Variants in PIK3R3 observed in about 807,000 individuals in gnomAD.
PIK3R3 encodes the protein phosphoinositide-3-kinase regulatory subunit 3, also known as phosphatidylinositol 3-kinase regulatory subunit gamma.
Under a neutral mutation model 62.9 loss-of-function variants are expected in PIK3R3, and 64 were observed. The ratio of observed to expected loss-of-function variants is 1.02; its 90% confidence interval spans 0.83 to 1.25. PIK3R3 has a LOEUF of 1.25. Among genes scored for constraint, PIK3R3 ranks in the 50% most tolerant of loss-of-function variants. The pLI, the probability that PIK3R3 is intolerant of heterozygous loss-of-function variation, is 0.00. For synonymous variants in PIK3R3, 165 were observed against 189.0 expected (o/e 0.87, Z 1.04); for missense variants, 614 against 561.6 (o/e 1.09, Z -0.94).
chr1:46,121,711 C>T (rs1422532795), intron 1 of PIK3R3, among the ~76,000 whole-genome samples: 1 of 152,022 alleles, frequency 6.6e-6, no homozygotes, highest in Non-Finnish European at 1.5e-5. Flanking sequence ...CAGTTGCATG[C>T]TCTGGATTTG....
At chr1:46,070,612 G>A (rs1235429506) in intron 3 of PIK3R3, among the ~76,000 whole-genome samples, 1 of 152,224 alleles carries the variant, frequency 6.6e-6, no homozygotes, top group Non-Finnish European at 1.5e-5. Flanking sequence ...CATAATTAAT[G>A]TGAAACCAGT....
the PIK3R3 span, among the ~76,000 whole-genome samples, chr1:46,171,403 G>A: frequency 2.0e-5 from 3 of 152,230 alleles, no homozygotes; most frequent in African/African-American, 2.4e-5. Context: ...ATGGGTAGGT[G>A]TGGGAAGAAG....
chr1:46,146,686 T>TACACACACACAC, the PIK3R3 span, among the ~76,000 whole-genome samples: 46 of 92,880 alleles, frequency 5.0e-4, no homozygotes, highest in East Asian at 1.0e-3. Context: ...CCTCCAACTC[T>TACACACACACAC]ACACACACAC....
intron 7 of PIK3R3, among the ~76,000 whole-genome samples, chr1:46,053,110 ACTG>A (rs1410636077): frequency 6.6e-6 from 1 of 152,202 alleles, no homozygotes; most frequent in Non-Finnish European, 1.5e-5. Flanking sequence ...ACCATGGGAC[ACTG>A]AACTATTCTC....
chr1:46,076,532 T>A, intron 3 of PIK3R3, among the ~76,000 whole-genome samples: 1 of 152,226 alleles, frequency 6.6e-6, no homozygotes, highest in East Asian at 1.9e-4. Flanking sequence ...AGAACACTGA[T>A]TAGTCAGCAC....
intron 1 of PIK3R3, among the ~76,000 whole-genome samples, chr1:46,088,516 C>T (rs1312129158): frequency 6.6e-6 from 1 of 151,886 alleles, no homozygotes; most frequent in East Asian, 1.9e-4. Context: ...AACAAGAGCC[C>T]TTATATATTA....
intron 1 of PIK3R3, among the ~76,000 whole-genome samples, chr1:46,102,367 C>T (rs1652779077): frequency 1.3e-5 from 2 of 152,138 alleles, no homozygotes; most frequent in Non-Finnish European, 2.9e-5. Flanking sequence ...CATTTGTTAT[C>T]TGCTACTTGT....
At position 46,061,929 on chromosome 1, in the gene PIK3R3, C is replaced by T. The variant is rs191478062; in HGVS notation, c.764G>A (p.Arg255Gln). 8.3e-5 allele frequency: 134 copies of T among 1,612,278 alleles called. No homozygotes were observed. The East Asian group carries it at 2.0e-3, about 24-fold the overall frequency. The change falls in exon 6 of 10, where the codon CGA becomes CAA. Residue 255 changes from arginine to glutamine, a missense_variant and splice_region_variant. Coordinates refer to ENST00000262741, the MANE Select transcript of PIK3R3 (RefSeq NM_003629.4). Reference protein sequence around the residue: ...RREGNEKEIERIMMNYDKLKS... With the variant: ...RREGNEKEIEQIMMNYDKLKS... ...CCTTGGAGGTACTAAGTAGACTTAC[C>T]GTTCAATCTCCTTTTCATTCCCCTC... is the stretch of plus-strand genomic sequence containing the variant.
intron 1 of PIK3R3, among the ~76,000 whole-genome samples, chr1:46,090,498 G>GT (rs1651522936): frequency 1.3e-5 from 2 of 151,722 alleles, no homozygotes; most frequent in South Asian, 2.1e-4. Context: ...TGCCCGGCTA[G>GT]TTTTTTTGTA....
intron 1 of PIK3R3, among the ~76,000 whole-genome samples, chr1:46,119,773 ATTTTT>A (rs749113212): frequency 1.6e-5 from 2 of 124,334 alleles, no homozygotes; most frequent in African/African-American, 5.8e-5. Flanking sequence ...CCAACTCCTA[ATTTTT>A]TTTTTTTTTT....
At chr1:46,139,297 G>A in the PIK3R3 span, among the ~76,000 whole-genome samples, 2 of 151,346 alleles carry the variant, frequency 1.3e-5, no homozygotes, top group African/African-American at 2.4e-5. Flanking sequence ...GCTGACCCAC[G>A]TGCTTCTTTT....
At chr1:46,143,574 CCCA>C in the PIK3R3 span, among the ~76,000 whole-genome samples, 1 of 151,982 alleles carries the variant, frequency 6.6e-6, no homozygotes, top group Non-Finnish European at 1.5e-5. Context: ...CTCTGCCCTC[CCCA>C]CCACCACCCC....
At chr1:46,092,708 C>T (rs975944262) in intron 1 of PIK3R3, among the ~76,000 whole-genome samples, 2 of 152,116 alleles carry the variant, frequency 1.3e-5, no homozygotes, top group South Asian at 4.1e-4. Flanking sequence ...CCAGTTCTTT[C>T]ACCTCAATGA....
the PIK3R3 span, among the ~76,000 whole-genome samples, chr1:46,138,042 T>C: frequency 6.6e-6 from 1 of 152,220 alleles, no homozygotes. Context: ...GCTGCCCTTT[T>C]ATTTTATCAG....
chr1:46,064,947 C>T (rs976799457), intron 5 of PIK3R3, among the ~76,000 whole-genome samples: 1 of 151,862 alleles, frequency 6.6e-6, no homozygotes, highest in Non-Finnish European at 1.5e-5. Context: ...AGAAAGTAAA[C>T]ACTAAAAAAA....
chr1:46,142,634 C>A, the PIK3R3 span, among the ~76,000 whole-genome samples: 1 of 151,548 alleles, frequency 6.6e-6, no homozygotes, highest in South Asian at 2.1e-4. Flanking sequence ...GGAGGCGGAG[C>A]TTGCAGTGAG....
the PIK3R3 span, among the ~76,000 whole-genome samples, chr1:46,158,656 T>C: frequency 6.6e-6 from 1 of 152,198 alleles, no homozygotes; most frequent in East Asian, 1.9e-4. Flanking sequence ...ATTTAGTGAC[T>C]GATTAACAAA....
At chr1:46,143,654 AT>A in the PIK3R3 span, among the ~76,000 whole-genome samples, 48 of 146,646 alleles carry the variant, frequency 3.3e-4, no homozygotes, top group African/African-American at 6.8e-4. Flanking sequence ...AAGAAAAAAA[AT>A]TTTTTTTTTT....
chr1:46,173,383 C>T, the PIK3R3 span, among the ~76,000 whole-genome samples: 3 of 152,362 alleles, frequency 2.0e-5, no homozygotes, highest in East Asian at 1.9e-4. Flanking sequence ...CACTGCCTTG[C>T]TCACTGCTGT....
Sources: allele counts gnomAD v4.1 joint callset (sites outside exome capture counted in the v4.1 genomes callset), GRCh38; gene constraint gnomAD v4.1.1; transcripts MANE v1.5; gene names NCBI Gene and HGNC (gene_info 2026-07-23, HGNC 2026-07-21).